Variants in NFIB observed in about 807,000 individuals in gnomAD.
NFIB encodes the protein nuclear factor 1 B-type.
Under a neutral mutation model 61.5 loss-of-function variants are expected in NFIB, and 11 were observed. The observed-to-expected ratio is 0.18, with a 90% CI of 0.11 to 0.30. The LOEUF is 0.30. Ranked by LOEUF, NFIB falls within the 10% of genes least tolerant of loss-of-function variation. The pLI, the probability that NFIB is intolerant of heterozygous loss-of-function variation, is 1.00. For synonymous variants in NFIB, 260 were observed against 216.5 expected, an observed-to-expected ratio of 1.20 and a Z score of -1.76; for missense variants, 471 against 608.9, an observed-to-expected ratio of 0.77 and a Z score of 2.38.
intron 2 of NFIB, among the ~76,000 whole-genome samples, chr9:14,269,562 T>C (rs965612156): frequency 6.6e-6 from 1 of 152,202 alleles, no homozygotes; most frequent in African/African-American, 2.4e-5. Context: ...GACATATGTG[T>C]TCTTACCATC....
At chr9:14,204,525 C>T in intron 2 of NFIB, 2 of 1,317,558 alleles carry the variant, frequency 1.5e-6, no homozygotes, top group South Asian at 1.2e-5. Context: ...CAAACAGCTA[C>T]TCAGCTGCTT....
At chr9:14,335,926 A>T (rs144603941) in intron 1 of NFIB, among the ~76,000 whole-genome samples, 2 of 152,364 alleles carry the variant, frequency 1.3e-5, no homozygotes, top group African/African-American at 2.4e-5. Context: ...TATTGAAAAG[A>T]CTTTTTTCCC....
intron 7 of NFIB, among the ~76,000 whole-genome samples, chr9:14,123,493 G>T (rs1039606062): frequency 1.3e-5 from 2 of 152,120 alleles, no homozygotes. Flanking sequence ...AATTATTTCA[G>T]TGGCTTCCTA....
chr9:14,302,220 C>A (rs566326311), intron 2 of NFIB, among the ~76,000 whole-genome samples: 2 of 152,296 alleles, frequency 1.3e-5, no homozygotes, highest in African/African-American at 4.8e-5. Context: ...TCTACTTAAG[C>A]TTTTCATAAA....
chr9:14,138,857 A>G (rs1471537116), intron 6 of NFIB, among the ~76,000 whole-genome samples: 1 of 152,024 alleles, frequency 6.6e-6, no homozygotes, highest in African/African-American at 2.4e-5. Flanking sequence ...AGTTGAAAAA[A>G]TTTTAATCCT....
At chr9:14,400,123 G>A (rs749290937), upstream of NFIB, among the ~76,000 whole-genome samples, 5 of 151,978 alleles carry the variant, frequency 3.3e-5, no homozygotes, top group Admixed American at 6.6e-5. Context: ...TGTATTGCAA[G>A]CAGCAGAATG....
intron 2 of NFIB, among the ~76,000 whole-genome samples, chr9:14,265,445 T>C (rs1358291460): frequency 6.6e-6 from 1 of 152,194 alleles, no homozygotes; most frequent in Non-Finnish European, 1.5e-5. Context: ...AGAGCTTGCT[T>C]GCTCCGTCTC....
At chr9:14,144,033 T>TG (rs55863803) in intron 6 of NFIB, among the ~76,000 whole-genome samples, 6 of 149,978 alleles carry the variant, frequency 4.0e-5, no homozygotes, top group South Asian at 2.1e-4. Flanking sequence ...TGTGTGTGTG[T>TG]TTAAAATGCA....
At chr9:14,438,274 C>G in the NFIB span, among the ~76,000 whole-genome samples, 1 of 152,112 alleles carries the variant, frequency 6.6e-6, no homozygotes, top group Non-Finnish European at 1.5e-5. Flanking sequence ...AATTGCAGGT[C>G]CAGATTTCAA....
the NFIB span, among the ~76,000 whole-genome samples, chr9:14,500,804 C>A: frequency 1.2e-4 from 19 of 152,142 alleles, no homozygotes; most frequent in African/African-American, 4.6e-4. Flanking sequence ...GGGACTCTCA[C>A]GCATTTCCCA....
At chr9:14,181,798 G>A (rs1052640300) in intron 2 of NFIB, among the ~76,000 whole-genome samples, 1 of 152,154 alleles carries the variant, frequency 6.6e-6, no homozygotes, top group South Asian at 2.1e-4. Context: ...TCACTCTTAT[G>A]AAGGTCTAGA....
chr9:14,455,505 G>C, the NFIB span, among the ~76,000 whole-genome samples: 2 of 152,156 alleles, frequency 1.3e-5, no homozygotes, highest in Non-Finnish European at 2.9e-5. Flanking sequence ...GGAGGACATG[G>C]CAGATTTCTA....
chr9:14,176,888 G>A (rs542756923), intron 3 of NFIB, among the ~76,000 whole-genome samples: 2 of 152,228 alleles, frequency 1.3e-5, no homozygotes, highest in African/African-American at 2.4e-5. Flanking sequence ...CAACAGTGGG[G>A]AACAGATTTC....
At chr9:14,144,055 G>A (rs959304542) in intron 6 of NFIB, among the ~76,000 whole-genome samples, 1 of 139,042 alleles carries the variant, frequency 7.2e-6, no homozygotes, top group Non-Finnish European at 1.6e-5. Flanking sequence ...ATTTGAGAAT[G>A]GAATATTCTT....
At chr9:14,204,387 C>G (rs2049393690) in intron 2 of NFIB, 3 of 1,078,508 alleles carry the variant, frequency 2.8e-6, no homozygotes, top group African/African-American at 1.5e-5. Flanking sequence ...GACATCCAGC[C>G]CAAAAGAGAC....
At chr9:14,328,148 G>A (rs956603833) in intron 1 of NFIB, among the ~76,000 whole-genome samples, 6 of 151,950 alleles carry the variant, frequency 3.9e-5, no homozygotes, top group South Asian at 2.1e-4. Context: ...ATTGCTCCCC[G>A]CCTTTTTTTC....
chr9:14,487,291 A>C, the NFIB span, among the ~76,000 whole-genome samples: 3 of 152,232 alleles, frequency 2.0e-5, no homozygotes, highest in African/African-American at 7.2e-5. Flanking sequence ...CCTTTCACTC[A>C]AAATTGGCAA....
chr9:14,253,240 A>C (rs1380764051), intron 2 of NFIB, among the ~76,000 whole-genome samples: 1 of 152,230 alleles, frequency 6.6e-6, no homozygotes, highest in Non-Finnish European at 1.5e-5. Context: ...GATGCATCAT[A>C]TCCTACTGCT....
At chr9:14,138,982 A>T (rs531603317) in intron 6 of NFIB, among the ~76,000 whole-genome samples, 1 of 152,070 alleles carries the variant, frequency 6.6e-6, no homozygotes. Flanking sequence ...AAAACTCACA[A>T]ATACACCTCT....
Sources: allele counts gnomAD v4.1 joint callset (sites outside exome capture counted in the v4.1 genomes callset), GRCh38; gene constraint gnomAD v4.1.1; transcripts MANE v1.5; gene names NCBI Gene and HGNC (gene_info 2026-07-23, HGNC 2026-07-21).